Variants in CLVS1 observed in about 807,000 individuals in gnomAD.
CLVS1 encodes clavesin 1, also known as clavesin-1.
A neutral mutation model predicts 33.1 loss-of-function variants in CLVS1; 10 were observed. That is an observed-to-expected ratio of 0.30 (90% CI 0.19 to 0.51). The LOEUF (loss-of-function observed/expected upper bound fraction) is 0.51, where lower values mean the gene tolerates loss of function less well. CLVS1 is among the 20% of genes least tolerant of loss of function. CLVS1 has a pLI of 0.97. For missense variants in CLVS1, 343 were observed against 433.4 expected (o/e 0.79, Z 1.85); for synonymous variants, 163 against 166.1 (o/e 0.98, Z 0.14).
At position 61,059,499 on chromosome 8, in the gene CLVS1, T is replaced by TATATATATATATATACAC. The variant is rs1265187479; in HGVS notation, c.-243+2270_-243+2271insTATATATATATATACACA. Among the ~76,000 whole-genome samples, 314 of 96,254 alleles carry TATATATATATATATACAC rather than the reference T, an allele frequency of 3.3e-3. 8 individuals are homozygous for TATATATATATATATACAC. Among genetic ancestry groups the TATATATATATATATACAC allele is most frequent in the East Asian group, 0.014 (26 of 1,816 alleles). 63.1% of individuals were successfully genotyped at this position (96,254 alleles called of 152,430 possible). ...ACATATATATATATATATATATATA[T>TATATATATATATATACAC]ACACATATCTTGAAAATAGCACGAG... is the stretch of plus-strand genomic sequence containing the variant. On this transcript the variant is annotated intron_variant, in intron 1 of 2. Coordinates refer to the CLVS1 transcript ENST00000522621.
intron 3 of CLVS1, chr8:61,391,276 T>TA (rs1342326490): frequency 6.6e-6 from 1 of 152,244 alleles, no homozygotes. Flanking sequence ...AGATGAGACT[T>TA]ACTTCAATTC....
chr8:61,454,104 T>TTACTAATCGGTGTGCA, intron 3 of CLVS1, 37 bp from the exon 4 acceptor site: 5 of 1,411,530 alleles, frequency 3.5e-6, no homozygotes, highest in Non-Finnish European at 4.0e-6. Flanking sequence ...CAAGGTGTGC[T>TTACTAATCGGTGTGCA]TACTAATCGG....
intron 2 of CLVS1, among the ~76,000 whole-genome samples, chr8:61,244,042 G>A (rs1808753837): frequency 6.6e-6 from 1 of 152,068 alleles, no homozygotes; most frequent in African/African-American, 2.4e-5. Context: ...GTCATTCATA[G>A]AACGCACAGA....
chr8:61,400,454 G>A (rs371103240), intron 3 of CLVS1, among the ~76,000 whole-genome samples: 15 of 152,128 alleles, frequency 9.9e-5, no homozygotes, highest in African/African-American at 3.6e-4. Flanking sequence ...GCATTTTCTA[G>A]ATATAAGATT....
chr8:61,004,138 G>A, the CLVS1 span, among the ~76,000 whole-genome samples: 2 of 152,242 alleles, frequency 1.3e-5, no homozygotes, highest in Non-Finnish European at 2.9e-5. Context: ...TAATAATGCC[G>A]ACCTGGCAAG....
chr8:61,150,689 C>T (rs183351193), intron 2 of CLVS1, among the ~76,000 whole-genome samples: 1 of 152,292 alleles, frequency 6.6e-6, no homozygotes, highest in East Asian at 1.9e-4. Context: ...ATGTGTGTTC[C>T]TTGCCTAGGT....
the CLVS1 span, among the ~76,000 whole-genome samples, chr8:60,977,269 CA>C: frequency 7.9e-5 from 12 of 152,070 alleles, no homozygotes; most frequent in South Asian, 2.5e-3. Context: ...TTGCTAACAA[CA>C]AAAATACAAA....
chr8:61,122,375 A>T (rs1309138160), intron 1 of CLVS1, among the ~76,000 whole-genome samples: 2 of 152,142 alleles, frequency 1.3e-5, no homozygotes, highest in African/African-American at 4.8e-5. Context: ...GATCCTTACA[A>T]TTGTTGCAAA....
At chr8:61,129,480 T>A (rs1212179569) in intron 1 of CLVS1, among the ~76,000 whole-genome samples, 3 of 152,256 alleles carry the variant, frequency 2.0e-5, no homozygotes, top group Non-Finnish European at 4.4e-5. Context: ...TGTAGGAGTA[T>A]CTTTCTTAGT....
chr8:61,437,594 C>T (rs752975160), intron 3 of CLVS1, among the ~76,000 whole-genome samples: 25 of 152,112 alleles, frequency 1.6e-4, no homozygotes, highest in Non-Finnish European at 2.5e-4. Context: ...AAGGCAGGAC[C>T]AATATGGAGA....
At chr8:61,198,248 G>GC (rs1232121314) in intron 2 of CLVS1, among the ~76,000 whole-genome samples, 20 of 152,090 alleles carry the variant, frequency 1.3e-4, no homozygotes, top group African/African-American at 4.1e-4. Flanking sequence ...CCTTCCTTTT[G>GC]TTTTTAATAT....
rs911282654 is a variant in CLVS1, at chr8:61,073,176, C to T, written c.-243+15946C>T. 3.3e-5 allele frequency among the ~76,000 whole-genome samples: 5 copies of T among 152,284 alleles called. No homozygotes were observed. The East Asian group carries it at 9.6e-4, about 29-fold the overall frequency. On this transcript the variant is annotated intron_variant, in intron 1 of 2. Coordinates refer to the CLVS1 transcript ENST00000522621. ...TGTCAAGTTTAGGAAGAATCAGATACATATCTTCTGCTTCTAAATCTCTTC... is the reference window on the plus strand; with the variant it reads ...TGTCAAGTTTAGGAAGAATCAGATATATATCTTCTGCTTCTAAATCTCTTC...
chr8:61,489,807 A>G (rs1804007555), intron 5 of CLVS1, among the ~76,000 whole-genome samples: 1 of 152,252 alleles, frequency 6.6e-6, no homozygotes, highest in Non-Finnish European at 1.5e-5. Context: ...AGTGCTGCTT[A>G]GAATTGTGGT....
At chr8:61,035,187 C>CTTTTTTTTTTTT in the CLVS1 span, among the ~76,000 whole-genome samples, 33 of 129,396 alleles carry the variant, frequency 2.6e-4, no homozygotes, top group Non-Finnish European at 3.4e-4. Flanking sequence ...TTTCTTTTTT[C>CTTTTTTTTTTTT]TTTTTTTTTT....
chr8:61,430,628 C>T (rs1816075376), intron 3 of CLVS1, among the ~76,000 whole-genome samples: 1 of 152,152 alleles, frequency 6.6e-6, no homozygotes, highest in Non-Finnish European at 1.5e-5. Flanking sequence ...TCTGGGGTCC[C>T]AGGTTCCAGT....
chr8:61,286,823 A>G (rs1046948684), upstream of CLVS1, among the ~76,000 whole-genome samples: 2 of 152,214 alleles, frequency 1.3e-5, no homozygotes, highest in African/African-American at 2.4e-5. Context: ...TCTTGGCAAA[A>G]AGAAAATTTA....
chr8:61,192,677 A>G (rs1449312043), intron 2 of CLVS1, among the ~76,000 whole-genome samples: 2 of 152,204 alleles, frequency 1.3e-5, no homozygotes, highest in Non-Finnish European at 2.9e-5. Context: ...TTACAAGAAA[A>G]AAACAAACAA....
rs71245557 is a variant in CLVS1 at position 61,166,031 on chromosome 8, G to GTTTTTTTTTTTTTTTTTTTT, written c.-152+34185_-152+34186insTTTTTTTTTTTTTTTTTTTT. The stretch of plus-strand genomic sequence containing the variant: ...TATTTTTGTGGCTAAGCATCTAAGC[G>GTTTTTTTTTTTTTTTTTTTT]TTTTTTTTTTTTTTGCCTGCCTTTG... On this transcript the variant is annotated intron_variant, in intron 2 of 2. Transcript: ENST00000522621. Among the ~76,000 whole-genome samples the GTTTTTTTTTTTTTTTTTTTT allele has an allele frequency of 9.2e-5, 10 of 108,376 alleles. 1 individual carries two copies. The highest frequency in any genetic ancestry group is 1.4e-4 in the Non-Finnish European group (7 of 51,514). 71.1% of individuals were successfully genotyped at this position (108,376 alleles called of 152,430 possible).
Position 61,458,486 on chromosome 8 carries a change from C to T in CLVS1, c.921C>T (p.His307=), listed in dbSNP as rs372058481. 16 of 1,613,662 alleles carry T rather than the reference C, an allele frequency of 9.9e-6. No individual in the cohort carries two copies. The highest frequency in any genetic ancestry group is 2.2e-5 in the East Asian group (1 of 44,862). ...CTCACACATCCTATAATGCAATGCACGTGAAGCATACGTCCTCGAATCTGG... is the reference window on the plus strand; with the variant it reads ...CTCACACATCCTATAATGCAATGCATGTGAAGCATACGTCCTCGAATCTGG... ...DYTHTSYNAM[H]VKHTSSNLER... Residue 307 remains histidine, a synonymous_variant, in exon 5 of 6, where the codon CAC becomes CAT. Coordinates refer to ENST00000325897, the MANE Select transcript of CLVS1 (RefSeq NM_173519.3).
Sources: gnomAD v4.1 joint callset for allele counts (sites outside exome capture counted in the v4.1 genomes callset) on GRCh38, gnomAD v4.1.1 for gene constraint, MANE v1.5 for transcripts, NCBI Gene and HGNC (gene_info 2026-07-23, HGNC 2026-07-21) for gene names.